The following ARHGAP6 variants were observed in gnomAD, a reference collection of about 807,000 sequenced individuals.
ARHGAP6 encodes the protein rho GTPase-activating protein 6.
Under a neutral mutation model 55.7 loss-of-function variants are expected in ARHGAP6, and 16 were observed. The ratio of observed to expected loss-of-function variants is 0.29; its 90% CI spans 0.19 to 0.44. The LOEUF is 0.44. Ranked by LOEUF, ARHGAP6 falls within the 20% of genes least tolerant of loss-of-function variation. The probability of loss-of-function intolerance (pLI) is 1.00; values close to 1 mark genes in which losing one functional copy is unlikely to be tolerated. For missense variants in ARHGAP6, 698 were observed against 808.9 expected (o/e 0.86, Z 1.66); for synonymous variants, 382 against 360.9 (o/e 1.06, Z -0.66).
chrX:11,652,083 G>GTTGC, intron 1 of ARHGAP6, among the ~76,000 whole-genome samples: 1 of 111,938 alleles, frequency 8.9e-6, no homozygotes, highest in Non-Finnish European at 1.9e-5. Context: ...TATTCTGTAG[G>GTTGC]CTGTTTACTG....
intron 1 of ARHGAP6, among the ~76,000 whole-genome samples, chrX:11,368,504 C>G (rs1034156860): frequency 8.9e-6 from 1 of 111,942 alleles, no homozygotes; most frequent in South Asian, 3.8e-4. Flanking sequence ...TCTAAAATAG[C>G]ATTCTTATTC....
chrX:11,400,495 C>T (rs1198748866), intron 1 of ARHGAP6, among the ~76,000 whole-genome samples: 1 of 103,945 alleles, frequency 9.6e-6, no homozygotes. Context: ...AATGAACGTG[C>T]CCCCCCGCAC....
chrX:11,395,405 G>C (rs2049464418), intron 1 of ARHGAP6, among the ~76,000 whole-genome samples: 1 of 112,375 alleles, frequency 8.9e-6, no homozygotes, highest in Admixed American at 9.4e-5. Context: ...GGACTCAATG[G>C]GGCAGCAGTG....
intron 1 of ARHGAP6, among the ~76,000 whole-genome samples, chrX:11,587,876 G>A (rs981395198): frequency 2.7e-5 from 3 of 112,306 alleles, no homozygotes; most frequent in Non-Finnish European, 3.8e-5. Flanking sequence ...CATAAAGAAA[G>A]CAAAGGGAGA....
At chrX:11,396,969 A>C (rs760246497) in intron 1 of ARHGAP6, among the ~76,000 whole-genome samples, 174 of 111,601 alleles carry the variant, frequency 1.6e-3, no homozygotes, top group Non-Finnish European at 2.8e-3. Context: ...ATGTGCACAC[A>C]CACCCTAAAT....
intron 8 of ARHGAP6, among the ~76,000 whole-genome samples, chrX:11,170,276 T>C (rs917612010): frequency 9.0e-6 from 1 of 111,514 alleles, no homozygotes. Context: ...TTGCACAAAC[T>C]CTCAAAAGAA....
intron 1 of ARHGAP6, among the ~76,000 whole-genome samples, chrX:11,503,708 T>C (rs778904843): frequency 9.0e-6 from 1 of 111,584 alleles, no homozygotes; most frequent in South Asian, 3.7e-4. Flanking sequence ...CTTTATTCAT[T>C]TGATCACAAG....
At chrX:11,231,505 C>T (rs2047130519) in intron 2 of ARHGAP6, among the ~76,000 whole-genome samples, 1 of 112,351 alleles carries the variant, frequency 8.9e-6, no homozygotes, top group African/African-American at 3.2e-5. Flanking sequence ...GCCTCCCTGC[C>T]TCTTGGAGAG....
At chrX:11,534,443 C>T (rs1482362999) in intron 1 of ARHGAP6, among the ~76,000 whole-genome samples, 1 of 111,106 alleles carries the variant, frequency 9.0e-6, no homozygotes, top group Non-Finnish European at 1.9e-5. Context: ...TACTTGATGG[C>T]GGAGGCTTTC....
chrX:11,189,807 T>G, intron 3 of ARHGAP6, among the ~76,000 whole-genome samples: 1 of 112,446 alleles, frequency 8.9e-6, no homozygotes, highest in Non-Finnish European at 1.9e-5. Context: ...TGAATTTCTG[T>G]CGTAAATCTG....
chrX:11,204,587 C>G (rs970274511), intron 2 of ARHGAP6, among the ~76,000 whole-genome samples: 1 of 111,763 alleles, frequency 8.9e-6, no homozygotes, highest in Non-Finnish European at 1.9e-5. Flanking sequence ...TTTGAGGTCT[C>G]TTTACAACTG....
intron 1 of ARHGAP6, among the ~76,000 whole-genome samples, chrX:11,459,050 A>G (rs1366033112): frequency 9.0e-6 from 1 of 110,801 alleles, no homozygotes. Flanking sequence ...TGGAGTACTT[A>G]TATCTGGGGG....
intron 1 of ARHGAP6, among the ~76,000 whole-genome samples, chrX:11,404,366 G>T (rs145940650): frequency 8.9e-6 from 1 of 111,848 alleles, no homozygotes; most frequent in East Asian, 2.8e-4. Context: ...AGGCAAGCAC[G>T]AGAATCATTA....
chrX:11,234,289 T>G (rs2147446531), intron 2 of ARHGAP6, among the ~76,000 whole-genome samples: 1 of 112,312 alleles, frequency 8.9e-6, no homozygotes, highest in African/African-American at 3.2e-5. Flanking sequence ...ATGTGTTACT[T>G]CACTAGTTCA....
intron 1 of ARHGAP6, among the ~76,000 whole-genome samples, chrX:11,638,692 A>T (rs1275145430): frequency 9.0e-6 from 1 of 111,705 alleles, no homozygotes; most frequent in Non-Finnish European, 1.9e-5. Context: ...AATTTCTAGC[A>T]GATAAAAGAA....
chrX:11,255,927 G>C (rs182705853), intron 1 of ARHGAP6, among the ~76,000 whole-genome samples: 10 of 112,286 alleles, frequency 8.9e-5, no homozygotes, highest in African/African-American at 3.2e-4. Context: ...AAGACTTCTT[G>C]TGAATCTCAT....
chrX:11,604,853 C>T (rs1464030102), intron 1 of ARHGAP6, among the ~76,000 whole-genome samples: 1 of 111,995 alleles, frequency 8.9e-6, no homozygotes, highest in African/African-American at 3.2e-5. Flanking sequence ...GAGGCTTGAC[C>T]TTCATATCCC....
chrX:11,344,678 C>CAAAAA (rs34123570), intron 1 of ARHGAP6, among the ~76,000 whole-genome samples: 754 of 27,601 alleles, frequency 0.027, no homozygotes, highest in Non-Finnish European at 0.031. Flanking sequence ...AACTCCATCA[C>CAAAAA]AAAAAAAAAA....
chrX:11,475,666 A>G (rs1272379090), intron 1 of ARHGAP6, among the ~76,000 whole-genome samples: 3 of 109,727 alleles, frequency 2.7e-5, no homozygotes, highest in Non-Finnish European at 3.8e-5. Context: ...CCAGACAAAA[A>G]CACAGGAGAA....
Sources: allele counts gnomAD v4.1 joint callset (sites outside exome capture counted in the v4.1 genomes callset), GRCh38; gene constraint gnomAD v4.1.1; transcripts MANE v1.5; gene names NCBI Gene and HGNC (gene_info 2026-07-23, HGNC 2026-07-21).